Variants in CDK6 observed in about 807,000 individuals in gnomAD.
CDK6 encodes the protein cyclin dependent kinase 6.
In CDK6, 6 loss-of-function variants were observed where a neutral mutation model predicts 37.1. The ratio of observed to expected loss-of-function variants is 0.16; its 90% CI spans 0.09 to 0.32. The LOEUF is 0.32. CDK6 is among the 10% of genes least tolerant of loss of function. CDK6 has a pLI of 1.00. For synonymous variants in CDK6, 160 were observed against 161.3 expected (o/e 0.99, Z 0.06); for missense variants, 224 against 418.9 (o/e 0.53, Z 4.06).
chr7:92,767,504 T>G (rs1399029205), intron 3 of CDK6, among the ~76,000 whole-genome samples: 1 of 152,174 alleles, frequency 6.6e-6, no homozygotes, highest in East Asian at 1.9e-4. Context: ...GCTTCTGACT[T>G]TAGTAGTATA....
At chr7:92,649,138 T>G (rs1796512718) in intron 5 of CDK6, among the ~76,000 whole-genome samples, 1 of 152,206 alleles carries the variant, frequency 6.6e-6, no homozygotes, top group Non-Finnish European at 1.5e-5. Context: ...TAATGAGGGC[T>G]GTGATAAGCC....
chr7:92,714,555 G>A (rs1388389879), intron 4 of CDK6, among the ~76,000 whole-genome samples: 1 of 152,172 alleles, frequency 6.6e-6, no homozygotes, highest in African/African-American at 2.4e-5. Flanking sequence ...AGTGGTCCAT[G>A]TTGTATGGCT....
At chr7:92,776,233 A>G (rs2115793347) in intron 2 of CDK6, among the ~76,000 whole-genome samples, 1 of 152,346 alleles carries the variant, frequency 6.6e-6, no homozygotes, top group Non-Finnish European at 1.5e-5. Flanking sequence ...TGCAAAGGAC[A>G]TGAACTCATC....
At chr7:92,830,987 T>C (rs1337079883) in intron 2 of CDK6, among the ~76,000 whole-genome samples, 1 of 152,224 alleles carries the variant, frequency 6.6e-6, no homozygotes, top group Admixed American at 6.5e-5. Flanking sequence ...AACAATCCTT[T>C]AGATATCTGA....
intron 4 of CDK6, among the ~76,000 whole-genome samples, chr7:92,677,810 C>T (rs548023221): frequency 1.3e-5 from 2 of 152,158 alleles, no homozygotes; most frequent in Non-Finnish European, 2.9e-5. Context: ...TTTTAATTAT[C>T]TCAAATTATG....
chr7:92,697,826 G>A (rs3731324), intron 4 of CDK6, among the ~76,000 whole-genome samples: 1,848 of 152,224 alleles, frequency 0.012, 35 homozygotes, highest in African/African-American at 0.042. Flanking sequence ...TGCAATACTT[G>A]GTTTCTGCAA....
rs1795636032 is a variant in CDK6, at chr7:92,614,725, A to ACATGCACACACACACT, written c.*414_*415insAGTGTGTGTGTGCATG. On this transcript the variant is annotated 3_prime_UTR_variant, in exon 8 of 8. Coordinates refer to ENST00000424848, the MANE Select transcript of CDK6 (RefSeq NM_001145306.2). Reference sequence around the variant, plus strand: ...CACACACACACACACACACACACACACACATGCACACACACACTCAAAAGT... The same window carrying ACATGCACACACACACT: ...CACACACACACACACACACACACACACATGCACACACACACTCACATGCACACACACACTCAAAAGT... 1 of 266,342 alleles carries ACATGCACACACACACT rather than the reference A, an allele frequency of 3.8e-6. No homozygotes were observed. Among genetic ancestry groups the ACATGCACACACACACT allele is most frequent in the African/African-American group, 2.2e-5 (1 of 45,290 alleles). 16.5% of individuals were successfully genotyped at this position (266,342 alleles called of 1,614,324 possible).
chr7:92,635,054 G>A (rs1263985702), intron 5 of CDK6, among the ~76,000 whole-genome samples: 1 of 152,128 alleles, frequency 6.6e-6, no homozygotes, highest in Non-Finnish European at 1.5e-5. Context: ...GAAATAATGT[G>A]CAGTAAGTGC....
intron 3 of CDK6, among the ~76,000 whole-genome samples, chr7:92,747,129 C>G (rs956609939): frequency 1.1e-4 from 16 of 152,152 alleles, no homozygotes; most frequent in African/African-American, 3.9e-4. Context: ...CAAGACTAAA[C>G]TATATAATCA....
intron 4 of CDK6, among the ~76,000 whole-genome samples, chr7:92,710,241 T>C (rs1798059508): frequency 6.6e-6 from 1 of 152,136 alleles, no homozygotes; most frequent in Non-Finnish European, 1.5e-5. Context: ...CAATTATGAG[T>C]GATGAAACCT....
At position 92,609,948 on chromosome 7, in the gene CDK6, G is replaced by GA. The variant is rs1795526236; in HGVS notation, c.*5191dup. 2 of 229,852 alleles carry GA rather than the reference G, an allele frequency of 8.7e-6. No individual in the cohort carries two copies. The highest frequency in any genetic ancestry group is 4.4e-5 in the African/African-American group (2 of 45,056). The allele number at this position is 229,852 out of a possible 1,614,324, so 14.2% of individuals were successfully genotyped here. A position where few individuals can be genotyped will look rare whatever the true frequency, so the allele number is the denominator to read the frequency against. The stretch of plus-strand genomic sequence containing the variant: ...TAACAAGTAAAATATTGAAGTTACA[G>GA]AACATTATAGAGACTATTAATCATC... On this transcript the variant is annotated 3_prime_UTR_variant, in exon 8 of 8. Transcript: ENST00000424848.
Position 92,734,411 on chromosome 7 carries a change from C to T in CDK6, c.370-8618G>A, listed in dbSNP as rs189074398. Among the ~76,000 whole-genome samples the T allele has an allele frequency of 2.2e-3, 337 of 152,302 alleles. 3 individuals are homozygous for T. The highest frequency in any genetic ancestry group is 9.9e-3 in the Admixed American group (152 of 15,302). On this transcript the variant is annotated intron_variant, in intron 3 of 7. Transcript: ENST00000424848. ...ATTCTCCTGCTTCAGCCCCCTCAGC[C>T]AAAGCCCACCTAGCTCTCTGGCCCT...
At chr7:92,704,342 G>C (rs890822734) in intron 4 of CDK6, among the ~76,000 whole-genome samples, 1 of 152,102 alleles carries the variant, frequency 6.6e-6, no homozygotes, top group Non-Finnish European at 1.5e-5. Flanking sequence ...ATCTAAATAA[G>C]AACTCAAGAG....
chr7:92,825,429 T>G (rs1801284129), intron 2 of CDK6, among the ~76,000 whole-genome samples: 1 of 152,010 alleles, frequency 6.6e-6, no homozygotes, highest in South Asian at 2.1e-4. Flanking sequence ...TTCAAGAATC[T>G]TGTACTCCAC....
In CDK6 at chr7:92,725,689, T is replaced by G. The variant is rs767999825; in HGVS notation, c.474A>C (p.Gln158His). The change falls in exon 4 of 8, where the codon CAA (glutamine) becomes CAC (histidine). Residue 158 changes from glutamine (Q) to histidine (H), a missense_variant. This residue lies in a region of CDK6 where 82 missense variants were observed against 202.1 expected (regional missense o/e 0.41). Transcript: ENST00000424848. ...CAAGGCCGAAGTCAGCGAGTTTTAT[T>G]TGTCCGCTGCTGGTCACCAGAATGT... The part of the protein sequence containing the change: ...PQNILVTSSG[Q>H]IKLADFGLAR... 1 of 1,614,114 alleles carries G rather than the reference T, an allele frequency of 6.2e-7. No individual in the cohort carries two copies. The highest frequency in any genetic ancestry group is 1.1e-5 in the South Asian group (1 of 91,082).
intron 3 of CDK6, among the ~76,000 whole-genome samples, chr7:92,731,131 A>T (rs935942552): frequency 1.3e-5 from 2 of 152,178 alleles, no homozygotes; most frequent in African/African-American, 4.8e-5. Context: ...CTGTATGTAT[A>T]CAGCTTCTAC....
At chr7:92,718,293 G>A (rs1162455525) in intron 4 of CDK6, among the ~76,000 whole-genome samples, 7 of 152,190 alleles carry the variant, frequency 4.6e-5, no homozygotes, top group Non-Finnish European at 1.0e-4. Flanking sequence ...CACTTTCGCT[G>A]AGGTGCCGAG....
Position 92,834,118 on chromosome 7 carries a change from C to T in CDK6, c.-367-428G>A, listed in dbSNP as rs557205386. On this transcript the variant is annotated intron_variant, in intron 1 of 7. Transcript: ENST00000424848. The surrounding 1 kb of genome is among the most constrained non-coding windows in gnomAD (Gnocchi z 4.6). ...CCTGAGGCCCGGACGTGCAGGGAGA[C>T]GGGGTCCAGGGGTGCCGGAGGGCGT... Among the ~76,000 whole-genome samples, 25 of 152,122 alleles carry T rather than the reference C, an allele frequency of 1.6e-4. No homozygotes were observed. The highest frequency in any genetic ancestry group is 5.5e-4 in the African/African-American group (23 of 41,506).
At chr7:92,749,269 G>GT (rs1216945898) in intron 3 of CDK6, among the ~76,000 whole-genome samples, 1 of 151,514 alleles carries the variant, frequency 6.6e-6, no homozygotes, top group Non-Finnish European at 1.5e-5. Context: ...AGGCCCAGGA[G>GT]TTTGAAATTA....
Sources: gnomAD v4.1 joint callset for allele counts (sites outside exome capture counted in the v4.1 genomes callset) on GRCh38, gnomAD v4.1.1 for gene constraint, gnomAD v4.1.1 regional missense constraint, Gnocchi (gnomAD v3.1) non-coding constraint, MANE v1.5 for transcripts, NCBI Gene and HGNC (gene_info 2026-07-23, HGNC 2026-07-21) for gene names.